IFI16: variants seen among roughly 807,000 people sequenced by gnomAD.
IFI16 encodes the protein interferon gamma inducible protein 16.
A neutral mutation model predicts 68.4 loss-of-function variants in IFI16; 49 were observed. The ratio of observed to expected loss-of-function variants is 0.72; its 90% CI spans 0.57 to 0.91. The LOEUF is 0.91. IFI16 is among the 40% of genes least tolerant of loss of function. The pLI is 0.00. For synonymous variants in IFI16, 307 were observed against 315.0 expected (o/e 0.97, Z 0.27); for missense variants, 878 against 942.9 (o/e 0.93, Z 0.90).
rs202009746 is a variant in IFI16, at chr1:159,053,624, A to C, written c.2177A>C (p.Asn726Thr). ...VVVHGRLTTI[N>T]CEEGDKLKLT... ...GTGCATGGACGACTGACCACAATCA[A>C]CTGTGAGGAAGGAGATAAACTGAAA... Residue 726 changes from asparagine to threonine, a missense_variant, in exon 11 of 12, where the codon AAC (asparagine) becomes ACC (threonine). Asn to Thr is a moderately conservative substitution (Grantham distance 65, BLOSUM62 0). Around this residue, in one of 4 missense-constraint regions of IFI16, gnomAD observed 311 missense variants for 305.1 expected, o/e 1.02. Transcript: ENST00000295809. The C allele has an allele frequency of 1.7e-5, 28 of 1,613,840 alleles. No individual in the cohort carries two copies. The highest frequency in any genetic ancestry group is 2.4e-5 in the Non-Finnish European group (28 of 1,179,844).
chr1:159,045,358 G>A lies in IFI16; in HGVS notation c.1391G>A (p.Gly464Glu), dbSNP rs573301171. ...ATGAGGATGCAGATACTGAAGGAAGGGAGTCATTTTCCAGGACCGTTCATG... is the reference window on the plus strand; with the variant it reads ...ATGAGGATGCAGATACTGAAGGAAGAGAGTCATTTTCCAGGACCGTTCATG... ...DFMRMQILKEGSHFPGPFMTS... is the reference protein window; with the variant it reads ...DFMRMQILKEESHFPGPFMTS... Residue 464 changes from glycine to glutamate, a missense_variant, in exon 8 of 12, where the codon GGG becomes GAG. Physicochemically the swap from Gly to Glu is moderately conservative, Grantham distance 98 (BLOSUM62 -2). Transcript: ENST00000295809. 4 of 1,552,158 alleles carry A rather than the reference G, an allele frequency of 2.6e-6. No homozygotes were observed. The highest frequency in any genetic ancestry group is 4.5e-5 in the East Asian group (2 of 44,500).
At chr1:159,008,794 T>C (rs1264592310), upstream of IFI16, among the ~76,000 whole-genome samples, 1 of 152,248 alleles carries the variant, frequency 6.6e-6, no homozygotes, top group African/African-American at 2.4e-5. Context: ...GATAAAGTTA[T>C]TCATATGGTT....
intron 8 of IFI16, among the ~76,000 whole-genome samples, chr1:159,046,230 C>T (rs761658325): frequency 6.6e-6 from 1 of 150,910 alleles, no homozygotes; most frequent in Non-Finnish European, 1.5e-5. Flanking sequence ...CTTTCATTAC[C>T]CTCAGAGTAG....
At chr1:159,020,188 G>A (rs1653214449) in intron 5 of IFI16, among the ~76,000 whole-genome samples, 153 bp from the exon 6 acceptor site, 1 of 152,178 alleles carries the variant, frequency 6.6e-6, no homozygotes, top group African/African-American at 2.4e-5. Context: ...TTGAGGGACG[G>A]CTTTCTGCAA....
chr1:159,035,340 T>G (rs1466360003), intron 7 of IFI16, among the ~76,000 whole-genome samples: 1 of 152,224 alleles, frequency 6.6e-6, no homozygotes, highest in African/African-American at 2.4e-5. Context: ...ATCCATTTTC[T>G]TTGTGCCTTT....
At position 159,015,860 on chromosome 1, in the gene IFI16, A is replaced by G; in HGVS notation, c.266-12A>G. The G allele has an allele frequency of 6.3e-7, 1 of 1,578,842 alleles. No homozygotes were observed. Among genetic ancestry groups the G allele is most frequent in the Non-Finnish European group, 8.7e-7 (1 of 1,149,364 alleles). ...TCTGCATTGGTTGGGAATAAAATTGAATCTATTCCAGTAAAAGGACCAGCC... is the reference window on the plus strand; with the variant it reads ...TCTGCATTGGTTGGGAATAAAATTGGATCTATTCCAGTAAAAGGACCAGCC... On this transcript the variant is annotated splice_polypyrimidine_tract_variant and intron_variant, in intron 2 of 11. Coordinates refer to ENST00000295809, the MANE Select transcript of IFI16 (RefSeq NM_001376587.1).
chr1:159,044,302 C>A (rs563972678), intron 7 of IFI16, among the ~76,000 whole-genome samples: 52 of 152,230 alleles, frequency 3.4e-4, no homozygotes, highest in African/African-American at 1.2e-3. Context: ...AAAATGTGAA[C>A]CTTTAATGAG....
At position 159,049,297 on chromosome 1, in the gene IFI16, C is replaced by T. The variant is rs1478202685; in HGVS notation, c.1498-135C>T. 1.0e-5 allele frequency: 6 copies of T among 574,278 alleles called. No homozygotes were observed. In the South Asian group the frequency reaches 1.1e-4, roughly 10 times the overall value. The allele number at this position is 574,278 out of a possible 1,614,324, so 35.6% of individuals were successfully genotyped here. ...ATCTGAATATGTGGTATTATTCCTCCTGCAACTCAGGGAAAAACAGAGAAA... is the reference window on the plus strand; with the variant it reads ...ATCTGAATATGTGGTATTATTCCTCTTGCAACTCAGGGAAAAACAGAGAAA... On this transcript the variant is annotated intron_variant, in intron 8 of 11. Coordinates refer to ENST00000295809, the MANE Select transcript of IFI16 (RefSeq NM_001376587.1).
At chr1:159,001,545 C>T (rs1652060695), upstream of IFI16, among the ~76,000 whole-genome samples, 1 of 152,108 alleles carries the variant, frequency 6.6e-6, no homozygotes, top group Admixed American at 6.6e-5. Context: ...AAATAAGGAA[C>T]ACATTTCAAA....
At chr1:159,053,342 G>A in intron 10 of IFI16, 191 bp from the exon 11 acceptor site, 1 of 409,546 alleles carries the variant, frequency 2.4e-6, no homozygotes, top group East Asian at 3.6e-5. Context: ...CAACAAAAGA[G>A]GCTCAAGGGA....
At chr1:159,034,517 C>A (rs1195269929) in intron 7 of IFI16, among the ~76,000 whole-genome samples, 1 of 152,180 alleles carries the variant, frequency 6.6e-6, no homozygotes, top group Non-Finnish European at 1.5e-5. Flanking sequence ...TCGTTCATGA[C>A]CACATTCCAG....
At chr1:159,037,783 C>T (rs892214391) in intron 7 of IFI16, among the ~76,000 whole-genome samples, 3 of 151,994 alleles carry the variant, frequency 2.0e-5, no homozygotes. Context: ...TGATAATCTT[C>T]CTATACCCCC....
intron 6 of IFI16, among the ~76,000 whole-genome samples, chr1:159,026,059 AT>A (rs1028667902): frequency 1.1e-4 from 17 of 152,050 alleles, no homozygotes; most frequent in African/African-American, 3.9e-4. Context: ...GAACCATGCT[AT>A]TTTGGTGACT....
At chr1:159,016,140 A>G (rs747155300) in intron 3 of IFI16, among the ~76,000 whole-genome samples, 153 bp downstream of exon 3, 2 of 152,228 alleles carry the variant, frequency 1.3e-5, no homozygotes, top group Non-Finnish European at 2.9e-5. Flanking sequence ...CATCTTATTG[A>G]TGCTCAAAGC....
chr1:159,022,168 G>A (rs1300652207), intron 6 of IFI16, among the ~76,000 whole-genome samples: 2 of 151,922 alleles, frequency 1.3e-5, no homozygotes, highest in Non-Finnish European at 2.9e-5. Flanking sequence ...GTTTCACCGT[G>A]TTAGCCAGGT....
In IFI16 at chr1:159,054,934, A is replaced by C. The variant is rs1456678418; in HGVS notation, c.*33A>C. On this transcript the variant is annotated 3_prime_UTR_variant, in exon 12 of 12. Coordinates refer to ENST00000295809, the MANE Select transcript of IFI16 (RefSeq NM_001376587.1). The stretch of plus-strand genomic sequence containing the variant: ...ATGTCATTGACGATAATGTTTATGG[A>C]GATAAGGTCTAAGTGCCTAAAAAAA... The C allele has an allele frequency of 7.7e-7, 1 of 1,296,260 alleles. No homozygotes were observed. Among genetic ancestry groups the C allele is most frequent in the South Asian group, 1.2e-5 (1 of 81,758 alleles). 80.3% of individuals were successfully genotyped at this position (1,296,260 alleles called of 1,614,324 possible).
chr1:159,026,471 G>A (rs934573531), intron 6 of IFI16, among the ~76,000 whole-genome samples: 1 of 151,792 alleles, frequency 6.6e-6, no homozygotes, highest in African/African-American at 2.4e-5. Context: ...GCTAATTTTT[G>A]TATCTTTAGT....
chr1:159,036,653 G>A (rs1436092067), intron 7 of IFI16, among the ~76,000 whole-genome samples: 1 of 152,122 alleles, frequency 6.6e-6, no homozygotes, highest in African/African-American at 2.4e-5. Context: ...TCTAGTCTCT[G>A]CAAGGCTCCT....
intron 6 of IFI16, among the ~76,000 whole-genome samples, chr1:159,032,295 A>T (rs1198127340): frequency 6.6e-6 from 1 of 152,210 alleles, no homozygotes; most frequent in East Asian, 1.9e-4. Context: ...ATGTAAAAAC[A>T]TCAGTAAGTA....
Sources: allele counts gnomAD v4.1 joint callset (sites outside exome capture counted in the v4.1 genomes callset), GRCh38; gene constraint gnomAD v4.1.1; regional missense constraint gnomAD v4.1.1; transcripts MANE v1.5; gene names NCBI Gene and HGNC (gene_info 2026-07-23, HGNC 2026-07-21).